Variants in KATNBL1 observed in about 807,000 individuals in gnomAD.
KATNBL1 encodes KATNB1-like protein 1.
Under a neutral mutation model 44.7 loss-of-function variants are expected in KATNBL1, and 28 were observed. The observed-to-expected ratio is 0.63, with a 90% CI of 0.46 to 0.86. The LOEUF (loss-of-function observed/expected upper bound fraction) is 0.86, where lower values mean the gene tolerates loss of function less well. Ranked by LOEUF, KATNBL1 falls within the 40% of genes least tolerant of loss-of-function variation. The pLI, the probability that KATNBL1 is intolerant of heterozygous loss-of-function variation, is 0.00. For missense variants in KATNBL1, 272 were observed against 350.7 expected (o/e 0.78, Z 1.79); for synonymous variants, 78 against 114.9 (o/e 0.68, Z 2.06).
At chr15:34,181,817 T>C (rs1300064441) in intron 1 of KATNBL1, among the ~76,000 whole-genome samples, 1 of 118,004 alleles carries the variant, frequency 8.5e-6, no homozygotes, top group East Asian at 2.2e-4. Flanking sequence ...CATATATACA[T>C]GTCCATATAT....
chr15:34,177,324 A>G (rs1889363356), intron 1 of KATNBL1, among the ~76,000 whole-genome samples: 3 of 152,176 alleles, frequency 2.0e-5, no homozygotes, highest in African/African-American at 7.2e-5. Flanking sequence ...TATATAATCT[A>G]CTACAATGGC....
At chr15:34,181,019 C>T (rs1449147564) in intron 1 of KATNBL1, among the ~76,000 whole-genome samples, 5 of 152,192 alleles carry the variant, frequency 3.3e-5, no homozygotes, top group African/African-American at 9.7e-5. Context: ...GCCTAAATCA[C>T]CATAACAATT....
chr15:34,144,939 C>T (rs1222814324), intron 9 of KATNBL1: 1 of 387,736 alleles, frequency 2.6e-6, no homozygotes, highest in Non-Finnish European at 3.6e-6. Flanking sequence ...CTTTACGAGA[C>T]AAATCAATAA....
In KATNBL1 at chr15:34,204,022, T is replaced by TAA. The variant is rs35383096; in HGVS notation, c.-15+5927_-15+5928dup. Among the ~76,000 whole-genome samples the TAA allele has an allele frequency of 8.4e-5, 11 of 130,650 alleles. No homozygotes were observed. The South Asian group carries it at 1.2e-3, about 15-fold the overall frequency. 85.7% of individuals were successfully genotyped at this position (130,650 alleles called of 152,430 possible). ...CTGCACACGTACCTCAGAACTTAAT[T>TAA]AAAAAAAAAAAAAAAAAAGAGCCAG... is the stretch of plus-strand genomic sequence containing the variant. On this transcript the variant is annotated intron_variant, in intron 1 of 9. Transcript: ENST00000256544.
chr15:34,146,470 C>T (rs1888314946), intron 8 of KATNBL1: 3 of 249,982 alleles, frequency 1.2e-5, no homozygotes, highest in South Asian at 1.5e-4. Flanking sequence ...ATCTCTTTTT[C>T]CTCCCTTACT....
intron 1 of KATNBL1, among the ~76,000 whole-genome samples, chr15:34,175,743 T>C (rs1889311024): frequency 6.6e-6 from 1 of 152,144 alleles, no homozygotes; most frequent in South Asian, 2.1e-4. Flanking sequence ...AATGTAAAAA[T>C]ACATTCAAAC....
At chr15:34,163,725 CAA>C (rs1567523528) in intron 1 of KATNBL1, 35 bp from the exon 2 acceptor site, 1 of 1,206,908 alleles carries the variant, frequency 8.3e-7, no homozygotes, top group Non-Finnish European at 1.2e-6. Context: ...ATTAAAACAG[CAA>C]AAAGAGTCTG....
chr15:34,202,735 A>C (rs1427061772), intron 1 of KATNBL1, among the ~76,000 whole-genome samples: 1 of 152,198 alleles, frequency 6.6e-6, no homozygotes, highest in African/African-American at 2.4e-5. Flanking sequence ...TCACGCCTGT[A>C]ATCTCAGCAC....
At chr15:34,149,987 G>A (rs1888420018) in intron 4 of KATNBL1, among the ~76,000 whole-genome samples, 1 of 152,214 alleles carries the variant, frequency 6.6e-6, no homozygotes, top group African/African-American at 2.4e-5. Flanking sequence ...CCTGATATAT[G>A]TAAATATGTG....
intron 1 of KATNBL1, among the ~76,000 whole-genome samples, chr15:34,180,894 T>TC (rs1889497823): frequency 6.6e-6 from 1 of 151,964 alleles, no homozygotes; most frequent in Admixed American, 6.6e-5. Flanking sequence ...GAGACCCGTC[T>TC]CCAAAAAAAA....
intron 1 of KATNBL1, among the ~76,000 whole-genome samples, chr15:34,193,900 T>C (rs996107936): frequency 4.6e-5 from 6 of 129,572 alleles, no homozygotes; most frequent in African/African-American, 1.4e-4. Flanking sequence ...AAATCACCAG[T>C]AATTCAACCA....
chr15:34,200,641 G>A (rs575775197), intron 1 of KATNBL1, among the ~76,000 whole-genome samples: 1 of 152,266 alleles, frequency 6.6e-6, no homozygotes, highest in East Asian at 1.9e-4. Context: ...GATCAAGCAT[G>A]AAAATAAAGA....
At chr15:34,178,782 T>C (rs942402918) in intron 1 of KATNBL1, among the ~76,000 whole-genome samples, 1 of 146,020 alleles carries the variant, frequency 6.8e-6, no homozygotes, top group Non-Finnish European at 1.5e-5. Flanking sequence ...AAAAAAGGAT[T>C]TCACTGAAGG....
chr15:34,162,593 T>C (rs1888841453), intron 2 of KATNBL1, among the ~76,000 whole-genome samples: 1 of 152,204 alleles, frequency 6.6e-6, no homozygotes, highest in Non-Finnish European at 1.5e-5. Context: ...GTGAGTTAAA[T>C]TTTAATCTCT....
intron 2 of KATNBL1, among the ~76,000 whole-genome samples, chr15:34,161,481 A>T (rs548262004): frequency 6.6e-6 from 1 of 152,368 alleles, no homozygotes; most frequent in South Asian, 2.1e-4. Context: ...AAGAAGAATC[A>T]GCACTCTGGC....
intron 1 of KATNBL1, among the ~76,000 whole-genome samples, chr15:34,189,060 C>T (rs1267210798): frequency 6.6e-6 from 1 of 152,192 alleles, no homozygotes; most frequent in Non-Finnish European, 1.5e-5. Flanking sequence ...GAGACAGAGT[C>T]TCGCTCTGTC....
At chr15:34,178,968 TAAA>T (rs1889429056) in intron 1 of KATNBL1, among the ~76,000 whole-genome samples, 1 of 151,980 alleles carries the variant, frequency 6.6e-6, no homozygotes, top group African/African-American at 2.4e-5. Flanking sequence ...CAGATCAGGT[TAAA>T]AAAAGAAGGT....
At chr15:34,195,769 T>C (rs1452906158) in intron 1 of KATNBL1, among the ~76,000 whole-genome samples, 4 of 151,914 alleles carry the variant, frequency 2.6e-5, no homozygotes, top group Non-Finnish European at 1.5e-5. Flanking sequence ...CAAATGACTA[T>C]GTATTGGGAA....
rs543425833 is a variant in KATNBL1, at chr15:34,142,793, C to T, written c.883-422G>A. ...GTGGCGTGATCTTGGCTCTCTGCAACCTCCACCTCCAGGGTTCAAGTGATT... is the reference window on the plus strand; with the variant it reads ...GTGGCGTGATCTTGGCTCTCTGCAATCTCCACCTCCAGGGTTCAAGTGATT... On this transcript the variant is annotated intron_variant, in intron 9 of 9. Coordinates refer to ENST00000256544, the MANE Select transcript of KATNBL1 (RefSeq NM_024713.3). The T allele has an allele frequency of 5.5e-5, 16 of 291,092 alleles. No individual in the cohort carries two copies. The East Asian group carries it at 1.9e-3, about 34-fold the overall frequency. The allele number at this position is 291,092 out of a possible 1,614,324, so 18.0% of individuals were successfully genotyped here. A position where few individuals can be genotyped will look rare whatever the true frequency, so the allele number is the denominator to read the frequency against.
Sources: allele counts gnomAD v4.1 joint callset (sites outside exome capture counted in the v4.1 genomes callset), GRCh38; gene constraint gnomAD v4.1.1; transcripts MANE v1.5; gene names NCBI Gene and HGNC (gene_info 2026-07-23, HGNC 2026-07-21).